Variants in PRKD3 observed in about 807,000 individuals in gnomAD.
PRKD3 encodes the protein serine/threonine-protein kinase D3.
In PRKD3, 47 loss-of-function variants were observed where a neutral mutation model predicts 99.2. The ratio of observed to expected loss-of-function variants is 0.47; its 90% CI spans 0.38 to 0.60. PRKD3 has a LOEUF of 0.60. PRKD3 is among the 20% of genes least tolerant of loss of function. The pLI, the probability that PRKD3 is intolerant of heterozygous loss-of-function variation, is 0.00. For synonymous variants in PRKD3, 392 were observed against 355.4 expected, an observed-to-expected ratio of 1.10 and a Z score of -1.16; for missense variants, 1,019 against 1,088.4, an observed-to-expected ratio of 0.94 and a Z score of 0.90.
intron 2 of PRKD3, among the ~76,000 whole-genome samples, chr2:37,298,886 A>G (rs576862665): frequency 9.2e-5 from 14 of 152,316 alleles, no homozygotes; most frequent in African/African-American, 3.1e-4. Flanking sequence ...ATAATCTGAC[A>G]TCTTCCTTTC....
intron 2 of PRKD3, among the ~76,000 whole-genome samples, chr2:37,299,645 G>C (rs1670832348): frequency 6.6e-6 from 1 of 151,358 alleles, no homozygotes; most frequent in Non-Finnish European, 1.5e-5. Flanking sequence ...ACTGACAAGG[G>C]GTTAATAACC....
intron 9 of PRKD3, among the ~76,000 whole-genome samples, chr2:37,277,442 T>C (rs1669632943): frequency 6.6e-6 from 1 of 152,186 alleles, no homozygotes; most frequent in African/African-American, 2.4e-5. Flanking sequence ...TCATCATTCC[T>C]CGTCTTTGCT....
chr2:37,298,742 T>C (rs181285205), intron 2 of PRKD3, among the ~76,000 whole-genome samples: 194 of 152,326 alleles, frequency 1.3e-3, no homozygotes, highest in Middle Eastern at 3.4e-3. Context: ...TGTTGGCATA[T>C]AGAAATGCTA....
At chr2:37,273,919 T>C (rs1669432137) in intron 11 of PRKD3, among the ~76,000 whole-genome samples, 1 of 152,250 alleles carries the variant, frequency 6.6e-6, no homozygotes, top group South Asian at 2.1e-4. Flanking sequence ...TAAATATTTC[T>C]GTATGTTTTA....
chr2:37,310,204 TAAA>T (rs1558578229), intron 2 of PRKD3, among the ~76,000 whole-genome samples: 1 of 152,238 alleles, frequency 6.6e-6, no homozygotes, highest in African/African-American at 2.4e-5. Context: ...CTAATTCTAA[TAAA>T]TCTTCAACAG....
At chr2:37,300,841 A>G (rs1670892111) in intron 2 of PRKD3, among the ~76,000 whole-genome samples, 1 of 152,230 alleles carries the variant, frequency 6.6e-6, no homozygotes, top group South Asian at 2.1e-4. Context: ...GGCTCAAAGA[A>G]AACGCATATT....
chr2:37,324,425 C>A (rs960342401), intron 1 of PRKD3: 2 of 154,536 alleles, frequency 1.3e-5, no homozygotes, highest in Non-Finnish European at 2.8e-5. Context: ...GCGGCGCCCC[C>A]GCTCCCCCTC....
chr2:37,312,830 G>A (rs1284795450), intron 2 of PRKD3, among the ~76,000 whole-genome samples: 2 of 152,088 alleles, frequency 1.3e-5, no homozygotes, highest in African/African-American at 2.4e-5. Context: ...TGTGACCAGA[G>A]GCTTGCAGGA....
intron 14 of PRKD3, among the ~76,000 whole-genome samples, chr2:37,262,904 C>CG (rs892676305): frequency 2.7e-5 from 4 of 149,364 alleles, no homozygotes; most frequent in South Asian, 4.3e-4. Context: ...TTCCCCCCCC[C>CG]GTATTTGTGG....
intron 2 of PRKD3, among the ~76,000 whole-genome samples, chr2:37,306,225 C>A (rs1229894180): frequency 6.6e-6 from 1 of 152,154 alleles, no homozygotes; most frequent in Non-Finnish European, 1.5e-5. Context: ...GTTAAGTGGC[C>A]TCCCAGCTGT....
intron 14 of PRKD3, among the ~76,000 whole-genome samples, chr2:37,264,361 G>C (rs962748884): frequency 6.6e-6 from 1 of 152,032 alleles, no homozygotes; most frequent in Non-Finnish European, 1.5e-5. Flanking sequence ...GGGTATTCTG[G>C]ATTCATTATT....
At chr2:37,286,432 G>T in intron 5 of PRKD3, 63 bp from the exon 6 acceptor site, 1 of 1,347,128 alleles carries the variant, frequency 7.4e-7, no homozygotes. Context: ...TGGGAGCAGA[G>T]CTTAACCACA....
intron 14 of PRKD3, among the ~76,000 whole-genome samples, chr2:37,262,465 TA>T (rs1668537496): frequency 6.6e-6 from 1 of 152,230 alleles, no homozygotes; most frequent in Non-Finnish European, 1.5e-5. Context: ...ACTTGTTTGC[TA>T]ATCATTTTAA....
At chr2:37,276,709 CTGTT>C (rs1055266619) in intron 9 of PRKD3, among the ~76,000 whole-genome samples, 12 of 139,016 alleles carry the variant, frequency 8.6e-5, no homozygotes, top group Admixed American at 1.4e-4. Flanking sequence ...AAAGTTTCTT[CTGTT>C]TAATTTCTTT....
chr2:37,287,767 T>C (rs1351850444), intron 5 of PRKD3, among the ~76,000 whole-genome samples: 1 of 152,216 alleles, frequency 6.6e-6, no homozygotes, highest in Admixed American at 6.5e-5. Context: ...TTTAGTTTGA[T>C]TATTCCCTTC....
At chr2:37,269,334 TC>T (rs34205385) in intron 13 of PRKD3, 47,587 of 382,352 alleles carry the variant, frequency 0.12, 4,128 homozygotes, top group East Asian at 0.34. Flanking sequence ...TCAAACCATC[TC>T]CCCCCCTGCC....
intron 9 of PRKD3, among the ~76,000 whole-genome samples, chr2:37,276,914 C>T (rs1444165010): frequency 6.6e-6 from 1 of 151,656 alleles, no homozygotes; most frequent in African/African-American, 2.4e-5. Flanking sequence ...TAACTACTTT[C>T]CCCATTAATT....
chr2:37,269,575 A>G, intron 13 of PRKD3, 40 bp downstream of exon 13: 1 of 1,547,462 alleles, frequency 6.5e-7, no homozygotes. Flanking sequence ...CCAGTTTTTA[A>G]AATAATGTGT....
At chr2:37,308,010 G>A (rs1359773227) in intron 2 of PRKD3, among the ~76,000 whole-genome samples, 1 of 152,080 alleles carries the variant, frequency 6.6e-6, no homozygotes, top group Non-Finnish European at 1.5e-5. Context: ...TACTGCGAAC[G>A]CCAATTTCAT....
Sources: allele counts gnomAD v4.1 joint callset (sites outside exome capture counted in the v4.1 genomes callset), GRCh38; gene constraint gnomAD v4.1.1; transcripts MANE v1.5; gene names NCBI Gene and HGNC (gene_info 2026-07-23, HGNC 2026-07-21).